WASL: variants seen among roughly 807,000 people sequenced by gnomAD.
The protein encoded by WASL is actin nucleation-promoting factor WASL.
A neutral mutation model predicts 55.5 loss-of-function variants in WASL; 20 were observed. The observed-to-expected ratio is 0.36, with a 90% CI of 0.25 to 0.52. The LOEUF is 0.52. Ranked by LOEUF, WASL falls within the 20% of genes least tolerant of loss-of-function variation. The pLI is 0.92. For missense variants in WASL, 504 were observed against 622.5 expected (o/e 0.81, Z 2.03); for synonymous variants, 249 against 217.6 (o/e 1.14, Z -1.27).
intron 1 of WASL, 29 bp from the exon 2 acceptor site, chr7:123,709,252 G>C: frequency 6.3e-7 from 1 of 1,586,370 alleles, no homozygotes; most frequent in Non-Finnish European, 8.6e-7. Context: ...ATAACCATTA[G>C]GTTCAAAATA....
At chr7:123,694,269 A>T (rs1477502448) in intron 8 of WASL, among the ~76,000 whole-genome samples, 1 of 152,214 alleles carries the variant, frequency 6.6e-6, no homozygotes, top group Non-Finnish European at 1.5e-5. Flanking sequence ...CTCAGGTACA[A>T]AAGAAAATTT....
In WASL at chr7:123,748,680, A is replaced by T; in HGVS notation, c.55T>A (p.Ser19Thr). 6.2e-7 allele frequency: 1 copy of T among 1,611,652 alleles called. No individual in the cohort carries two copies. The highest frequency in any genetic ancestry group is 8.5e-7 in the Non-Finnish European group (1 of 1,179,096). The change falls in exon 1 of 11, where the codon TCC (serine) becomes ACC (threonine). Residue 19 changes from serine (S) to threonine (T), a missense_variant. Physicochemically the swap from Ser to Thr is moderately conservative, Grantham distance 58. Transcript: ENST00000223023. ...TTCTCCTGCGGGGTGAGCAACAGGG[A>T]CCCCACGTTGGTGACCCTCCGCGGC... Reference protein sequence around the residue: ...PPPRRVTNVGSLLLTPQENES... With the variant: ...PPPRRVTNVGTLLLTPQENES...
chr7:123,703,819 T>C (rs1435094741), intron 5 of WASL, among the ~76,000 whole-genome samples: 1 of 152,224 alleles, frequency 6.6e-6, no homozygotes, highest in African/African-American at 2.4e-5. Context: ...TGAGATATGC[T>C]TTTAAAAAGC....
chr7:123,741,639 T>C lies in WASL; in HGVS notation c.117+6979A>G, dbSNP rs139616655. Among the ~76,000 whole-genome samples the C allele has an allele frequency of 6.6e-5, 10 of 152,340 alleles. No homozygotes were observed. In the East Asian group the frequency reaches 1.9e-3, roughly 29 times the overall value. ...TCAAAACTAGAATGGGCTACCATTA[T>C]ACTTCCATTAATATTATTTATTTAA... On this transcript the variant is annotated intron_variant, in intron 1 of 10. Coordinates refer to ENST00000223023, the MANE Select transcript of WASL (RefSeq NM_003941.4).
intron 8 of WASL, 122 bp from the exon 9 acceptor site, chr7:123,692,989 CATTTT>C: frequency 1.6e-6 from 2 of 1,239,922 alleles, no homozygotes; most frequent in African/African-American, 1.5e-5. Context: ...CTCATCTTTG[CATTTT>C]ATTTTACAAA....
intron 1 of WASL, among the ~76,000 whole-genome samples, chr7:123,721,256 T>A (rs902256973): frequency 2.6e-5 from 4 of 152,224 alleles, no homozygotes; most frequent in African/African-American, 9.7e-5. Context: ...TAATAAGCAT[T>A]TAAGGACAGT....
intron 10 of WASL, among the ~76,000 whole-genome samples, chr7:123,688,109 C>T (rs148579457): frequency 6.6e-6 from 1 of 152,282 alleles, no homozygotes; most frequent in African/African-American, 2.4e-5. Context: ...CAAACCTCAA[C>T]TACTCCAATC....
intron 1 of WASL, among the ~76,000 whole-genome samples, chr7:123,740,891 T>C (rs545300799): frequency 6.6e-6 from 1 of 152,218 alleles, no homozygotes; most frequent in Non-Finnish European, 1.5e-5. Flanking sequence ...CAGCCCATTA[T>C]TAACTTTGAT....
chr7:123,720,353 A>AG (rs537228954), intron 1 of WASL: 29 of 444,256 alleles, frequency 6.5e-5, no homozygotes, highest in Non-Finnish European at 1.2e-4. Context: ...GCAAAAAAAA[A>AG]AAAAAAAAGT....
At chr7:123,694,988 C>G (rs1803469242) in intron 7 of WASL, 120 bp from the exon 8 acceptor site, 1 of 935,246 alleles carries the variant, frequency 1.1e-6, no homozygotes, top group Admixed American at 2.8e-5. Flanking sequence ...GCTTATATTA[C>G]TTATGTGCTA....
chr7:123,720,955 A>T (rs1282323067), intron 1 of WASL, among the ~76,000 whole-genome samples: 2 of 152,238 alleles, frequency 1.3e-5, no homozygotes, highest in African/African-American at 2.4e-5. Context: ...TCTGACCTAG[A>T]AACAGTAACC....
At chr7:123,722,282 G>GAT (rs1316656615) in intron 1 of WASL, among the ~76,000 whole-genome samples, 4 of 152,108 alleles carry the variant, frequency 2.6e-5, no homozygotes, top group Non-Finnish European at 4.4e-5. Context: ...ATTAGAACAA[G>GAT]ATATGGAATT....
chr7:123,743,516 A>G (rs1022139536), intron 1 of WASL, among the ~76,000 whole-genome samples: 6 of 152,174 alleles, frequency 3.9e-5, no homozygotes, highest in African/African-American at 1.4e-4. Context: ...GCTGCTCCTT[A>G]ACTTTTAATT....
chr7:123,706,244 C>T lies in WASL; in HGVS notation c.436+33G>A, dbSNP rs181094221. The T allele has an allele frequency of 3.5e-4, 553 of 1,590,394 alleles. 1 individual carries two copies. The African/African-American group carries it at 7.0e-3, about 20-fold the overall frequency. On this transcript the variant is annotated intron_variant, in intron 4 of 10. Coordinates refer to ENST00000223023, the MANE Select transcript of WASL (RefSeq NM_003941.4). The stretch of plus-strand genomic sequence containing the variant: ...CACTTGCCCCATGAGCATTAGTTTG[C>T]TGGCCTGATTTAAGTAATTAAAAAA...
intron 5 of WASL, among the ~76,000 whole-genome samples, chr7:123,704,101 T>C (rs1404836422): frequency 6.6e-6 from 1 of 152,192 alleles, no homozygotes; most frequent in African/African-American, 2.4e-5. Context: ...GTGGTCATTA[T>C]CAAATTAAAG....
At chr7:123,734,031 G>A (rs1177183855) in intron 1 of WASL, among the ~76,000 whole-genome samples, 1 of 151,780 alleles carries the variant, frequency 6.6e-6, no homozygotes, top group Non-Finnish European at 1.5e-5. Context: ...AGTTCTAGAA[G>A]AGAACATAAA....
intron 5 of WASL, among the ~76,000 whole-genome samples, chr7:123,704,292 TGTTAAG>T (rs1054956577): frequency 6.6e-6 from 1 of 152,070 alleles, no homozygotes; most frequent in African/African-American, 2.4e-5. Flanking sequence ...CTAGGAAAAA[TGTTAAG>T]GTCCGATTGT....
In WASL at chr7:123,689,147, C is replaced by T. The variant is rs780827183; in HGVS notation, c.1351G>A (p.Ala451Thr). The change falls in exon 10 of 11, where the codon GCT (alanine) becomes ACT (threonine). Residue 451 changes from alanine to threonine, a missense_variant. Coordinates refer to ENST00000223023, the MANE Select transcript of WASL (RefSeq NM_003941.4). The part of the protein sequence containing the change: ...IRQGIQLKSV[A>T]DGQESTPPTP... ...GGTGGTGTAGACTCTTGGCCATCAG[C>T]CACCTTGGAAAAGAAAGTTAGCAAA... is the stretch of plus-strand genomic sequence containing the variant. 6.2e-7 allele frequency: 1 copy of T among 1,610,868 alleles called. No homozygotes were observed. Among genetic ancestry groups the T allele is most frequent in the Admixed American group, 1.7e-5 (1 of 59,832 alleles).
chr7:123,724,003 T>C lies in WASL; in HGVS notation c.118-14780A>G, dbSNP rs73718465. ...TTTTCATTATATGTATATGCTGTTA[T>C]ATACAAGTATATAAGCGAGATCTCA... On this transcript the variant is annotated intron_variant, in intron 1 of 10. Transcript: ENST00000223023. 7.8e-3 allele frequency among the ~76,000 whole-genome samples: 1,188 copies of C among 152,350 alleles called. 21 individuals are homozygous for C. The highest frequency in any genetic ancestry group is 0.027 in the African/African-American group (1,139 of 41,582).
Sources: allele counts gnomAD v4.1 joint callset (sites outside exome capture counted in the v4.1 genomes callset), GRCh38; gene constraint gnomAD v4.1.1; transcripts MANE v1.5; gene names NCBI Gene and HGNC (gene_info 2026-07-23, HGNC 2026-07-21).